The following DSCAM variants were observed in gnomAD, a reference collection of about 807,000 sequenced individuals.
DSCAM encodes the protein DS cell adhesion molecule, also known as cell adhesion molecule DSCAM.
DSCAM carries 47 observed loss-of-function variants against 217.7 expected under a neutral mutation model. That is an observed-to-expected ratio of 0.22 (90% CI 0.17 to 0.28). The LOEUF is 0.28. Among genes scored for constraint, DSCAM ranks in the 10% least tolerant of loss-of-function variants. The pLI, the probability that DSCAM is intolerant of heterozygous loss-of-function variation, is 1.00. For missense variants in DSCAM, 2,080 were observed against 2,618.3 expected, an observed-to-expected ratio of 0.79 and a Z score of 4.49; for synonymous variants, 1,056 against 1,015.3, an observed-to-expected ratio of 1.04 and a Z score of -0.76.
At chr21:40,618,572 A>T (rs955015101) in intron 3 of DSCAM, 3 of 152,320 alleles carry the variant, frequency 2.0e-5, no homozygotes, top group South Asian at 2.1e-4. Context: ...TTGTCAAATA[A>T]TATAATAAGT....
chr21:40,515,477 T>G (rs1175777958), intron 3 of DSCAM, among the ~76,000 whole-genome samples: 1 of 152,104 alleles, frequency 6.6e-6, no homozygotes, highest in Non-Finnish European at 1.5e-5. Context: ...TCCCCAAAGG[T>G]TTCAACATTA....
intron 4 of DSCAM, among the ~76,000 whole-genome samples, chr21:40,358,918 A>G (rs2074727170): frequency 6.6e-6 from 1 of 152,204 alleles, no homozygotes; most frequent in African/African-American, 2.4e-5. Flanking sequence ...AATATTAAAA[A>G]TGCTTATATC....
At chr21:40,306,837 G>A (rs1162008943) in intron 9 of DSCAM, among the ~76,000 whole-genome samples, 18 of 151,654 alleles carry the variant, frequency 1.2e-4, no homozygotes, top group African/African-American at 3.2e-4. Flanking sequence ...TGCTGGATTC[G>A]GTTTGCCAGT....
At chr21:40,681,910 C>G (rs1409331039) in intron 3 of DSCAM, among the ~76,000 whole-genome samples, 1 of 152,180 alleles carries the variant, frequency 6.6e-6, no homozygotes, top group Non-Finnish European at 1.5e-5. Context: ...ACACCAGGTG[C>G]TGGGAGGCCT....
chr21:40,420,506 C>T (rs888485820), intron 3 of DSCAM, among the ~76,000 whole-genome samples: 43 of 152,088 alleles, frequency 2.8e-4, no homozygotes, highest in African/African-American at 1.0e-3. Context: ...GCAGGAAGGT[C>T]AGGATTCAGG....
intron 2 of DSCAM, among the ~76,000 whole-genome samples, chr21:40,694,357 C>T (rs546271597): frequency 1.5e-3 from 226 of 152,170 alleles, no homozygotes; most frequent in Non-Finnish European, 2.8e-3. Context: ...CAAATATGTG[C>T]CATGAAAATG....
rs190349349 is a variant in DSCAM, at chr21:40,369,145, G to A, written c.609C>T (p.Tyr203=). ...TGTTGCTCTGCCTCGTCTCTCCGGTGTATCGATGCCGCGTGATGCAGCGGT... is the reference window on the plus strand; with the variant it reads ...TGTTGCTCTGCCTCGTCTCTCCGGTATATCGATGCCGCGTGATGCAGCGGT... ...YNYRCITRHR[Y]TGETRQSNSA... is the part of the protein sequence containing the mutation. Residue 203 remains tyrosine (Y), a synonymous_variant, in exon 4 of 33, where the codon TAC becomes TAT. Coordinates refer to ENST00000400454, the MANE Select transcript of DSCAM (RefSeq NM_001389.5). 2.8e-5 allele frequency: 45 copies of A among 1,613,148 alleles called. No individual in the cohort carries two copies. The African/African-American group carries it at 5.3e-4, about 19-fold the overall frequency.
intron 3 of DSCAM, among the ~76,000 whole-genome samples, chr21:40,494,429 A>G (rs1489828360): frequency 6.6e-5 from 10 of 152,178 alleles, no homozygotes; most frequent in Non-Finnish European, 7.4e-5. Context: ...CTAGAAATCA[A>G]TAACAGGAGA....
chr21:40,236,664 C>T (rs1175745420), intron 11 of DSCAM, among the ~76,000 whole-genome samples: 1 of 152,084 alleles, frequency 6.6e-6, no homozygotes, highest in African/African-American at 2.4e-5. Flanking sequence ...GCATTAGTTC[C>T]CTCATCTTTA....
At chr21:40,399,262 CCT>C (rs1379320660) in intron 3 of DSCAM, among the ~76,000 whole-genome samples, 1 of 146,054 alleles carries the variant, frequency 6.8e-6, no homozygotes. Context: ...AGAGGAAGAC[CCT>C]GTCTCACAAA....
chr21:40,405,196 A>G (rs2837615), intron 3 of DSCAM, among the ~76,000 whole-genome samples: 58,328 of 152,042 alleles, frequency 0.38, 12,807 homozygotes, highest in Middle Eastern at 0.49. Context: ...TTCTGAAAGC[A>G]CTGAGCAGAG....
chr21:40,385,067 C>T (rs1369910592), intron 3 of DSCAM: 1 of 152,024 alleles, frequency 6.6e-6, no homozygotes, highest in Non-Finnish European at 1.5e-5. Context: ...AGTGTGTATT[C>T]CCAGTTTCGA....
intron 11 of DSCAM, among the ~76,000 whole-genome samples, chr21:40,197,437 A>C (rs2091024478): frequency 6.6e-6 from 1 of 152,210 alleles, no homozygotes; most frequent in Non-Finnish European, 1.5e-5. Flanking sequence ...TTTCTAAGTA[A>C]GGAAACAGAG....
At chr21:40,132,514 A>G (rs2090164027) in intron 19 of DSCAM, among the ~76,000 whole-genome samples, 1 of 152,234 alleles carries the variant, frequency 6.6e-6, no homozygotes, top group Admixed American at 6.5e-5. Flanking sequence ...TTAGAGCAGA[A>G]CTGGCTGACA....
chr21:40,047,884 A>AG (rs1204119884), intron 30 of DSCAM, among the ~76,000 whole-genome samples: 1 of 152,142 alleles, frequency 6.6e-6, no homozygotes, highest in Non-Finnish European at 1.5e-5. Flanking sequence ...TTTTTCTTTC[A>AG]AAGTCTCAGC....
At chr21:40,741,036 G>C (rs1170115151) in intron 1 of DSCAM, among the ~76,000 whole-genome samples, 1 of 152,162 alleles carries the variant, frequency 6.6e-6, no homozygotes, top group African/African-American at 2.4e-5. Context: ...TGGGGGCATA[G>C]GAATAAGATG....
intron 11 of DSCAM, among the ~76,000 whole-genome samples, chr21:40,275,618 T>C (rs921987708): frequency 9.6e-4 from 146 of 152,346 alleles, no homozygotes; most frequent in African/African-American, 3.5e-3. Flanking sequence ...CTTGTAGTTG[T>C]TCGCTAGTCA....
intron 1 of DSCAM, among the ~76,000 whole-genome samples, chr21:40,818,400 G>A (rs1440177687): frequency 1.3e-5 from 2 of 151,158 alleles, no homozygotes; most frequent in African/African-American, 4.9e-5. Context: ...CAAAAAATTA[G>A]CTGGGTGTGG....
At chr21:40,087,982 A>C (rs2089554048) in intron 21 of DSCAM, among the ~76,000 whole-genome samples, 1 of 152,194 alleles carries the variant, frequency 6.6e-6, no homozygotes, top group Admixed American at 6.5e-5. Flanking sequence ...CAGCAATGAG[A>C]GGTTCTAGTG....
Sources: gnomAD v4.1 joint callset for allele counts (sites outside exome capture counted in the v4.1 genomes callset) on GRCh38, gnomAD v4.1.1 for gene constraint, MANE v1.5 for transcripts, NCBI Gene and HGNC (gene_info 2026-07-23, HGNC 2026-07-21) for gene names.